Variants in PLCG2 observed in about 807,000 individuals in gnomAD.
PLCG2 encodes 1-phosphatidylinositol 4,5-bisphosphate phosphodiesterase gamma-2.
Under a neutral mutation model 175.6 loss-of-function variants are expected in PLCG2, and 69 were observed. The observed-to-expected ratio is 0.39, with a 90% CI of 0.32 to 0.48. PLCG2 has a LOEUF of 0.48. PLCG2 is among the 20% of genes least tolerant of loss of function. PLCG2 has a pLI of 0.91. For missense variants in PLCG2, 1,798 were observed against 1,650.9 expected (o/e 1.09, Z -1.54); for synonymous variants, 827 against 624.0 (o/e 1.33, Z -4.85).
At chr16:81,868,629 C>T (rs946481316) in intron 5 of PLCG2, among the ~76,000 whole-genome samples, 3 of 152,226 alleles carry the variant, frequency 2.0e-5, no homozygotes, top group Admixed American at 6.5e-5. Context: ...GATGTTTACC[C>T]AGGCTTCATT....
At position 81,927,307 on chromosome 16, in the gene PLCG2, A is replaced by AG. The variant is rs1239600068; in HGVS notation, c.2514+132dup. The AG allele has an allele frequency of 5.9e-6, 4 of 675,056 alleles. No individual in the cohort carries two copies. The East Asian group carries it at 7.8e-5, about 13-fold the overall frequency. 41.8% of individuals were successfully genotyped at this position (675,056 alleles called of 1,614,324 possible). A position where few individuals can be genotyped will look rare whatever the true frequency, so the allele number is the denominator to read the frequency against. ...TGTGGTCTCTGTGGAGCTCTGGATC[A>AG]GGGAAGACACAGTGATGATAGGGAA... On this transcript the variant is annotated intron_variant, in intron 23 of 32. Coordinates refer to ENST00000564138, the MANE Select transcript of PLCG2 (RefSeq NM_002661.5).
chr16:81,814,769 C>G (rs1236914287), intron 2 of PLCG2, among the ~76,000 whole-genome samples: 1 of 152,056 alleles, frequency 6.6e-6, no homozygotes, highest in African/African-American at 2.4e-5. Context: ...AGGCTTTTGT[C>G]CTGTCTCACT....
At position 81,958,347 on chromosome 16, in the gene PLCG2, G is replaced by T; in HGVS notation, c.*349G>T. 3.7e-6 allele frequency: 1 copy of T among 270,926 alleles called. No individual in the cohort carries two copies. The highest frequency in any genetic ancestry group is 7.0e-6 in the Non-Finnish European group (1 of 143,020). The allele number at this position is 270,926 out of a possible 1,614,324, so 16.8% of individuals were successfully genotyped here. A position where few individuals can be genotyped will look rare whatever the true frequency, so the allele number is the denominator to read the frequency against. ...GTGCAGTGAACAGGATTTCTTTTCTGGCCAAGAAGATTCTACCTCTAATGA... is the reference window on the plus strand; with the variant it reads ...GTGCAGTGAACAGGATTTCTTTTCTTGCCAAGAAGATTCTACCTCTAATGA... On this transcript the variant is annotated 3_prime_UTR_variant, in exon 33 of 33. Transcript: ENST00000564138.
At chr16:81,770,781 G>A (rs574673510) in intron 2 of PLCG2, among the ~76,000 whole-genome samples, 3 of 152,022 alleles carry the variant, frequency 2.0e-5, no homozygotes, top group African/African-American at 7.2e-5. Flanking sequence ...AGATCAGGCC[G>A]GGCGCGGTGG....
chr16:81,773,062 A>G (rs902713311), intron 2 of PLCG2, among the ~76,000 whole-genome samples: 2 of 152,110 alleles, frequency 1.3e-5, no homozygotes, highest in Admixed American at 1.3e-4. Context: ...TCCTAAATAT[A>G]CTGCCAAATG....
In PLCG2 at chr16:81,905,421, C is replaced by T. The variant is rs778484571; in HGVS notation, c.1381C>T (p.Arg461Ter). The change falls in exon 15 of 33, where the codon CGA (arginine) becomes TGA (stop). Residue 461 changes from arginine (R) to a stop codon, truncating the protein, a stop_gained. Coordinates refer to ENST00000564138, the MANE Select transcript of PLCG2 (RefSeq NM_002661.5). LOFTEE classifies it high-confidence loss of function. ...CCCTCAGCATAAGAAGCTGGGCCCC[C>T]GAGGCGATGTGGATGTCAACATGGA... ...IIIKHKKLGP[R>*]GDVDVNMEDK... 5.6e-5 allele frequency: 90 copies of T among 1,613,776 alleles called. No individual in the cohort carries two copies. Among genetic ancestry groups the T allele is most frequent in the Non-Finnish European group, 7.1e-5 (84 of 1,179,796 alleles).
chr16:81,780,547 C>G (rs1910682517), intron 1 of PLCG2, among the ~76,000 whole-genome samples: 1 of 152,188 alleles, frequency 6.6e-6, no homozygotes, highest in African/African-American at 2.4e-5. Context: ...TGTATACCAG[C>G]TCAGGGACAA....
intron 7 of PLCG2, among the ~76,000 whole-genome samples, chr16:81,871,561 C>A (rs990196502): frequency 2.0e-5 from 3 of 152,146 alleles, no homozygotes; most frequent in Non-Finnish European, 1.5e-5. Flanking sequence ...AGGTCTCGAA[C>A]TTCTAACCTC....
intron 2 of PLCG2, among the ~76,000 whole-genome samples, chr16:81,824,864 G>T (rs1450699134): frequency 6.6e-6 from 1 of 152,224 alleles, no homozygotes; most frequent in African/African-American, 2.4e-5. Flanking sequence ...TTAAGGGAAA[G>T]ATCTTGAGAT....
chr16:81,756,897 C>G (rs1342410206), intron 2 of PLCG2, among the ~76,000 whole-genome samples: 3 of 152,096 alleles, frequency 2.0e-5, no homozygotes, highest in Non-Finnish European at 4.4e-5. Flanking sequence ...GGGGCACAGG[C>G]CTGGAACACA....
chr16:81,902,210 C>A (rs955823642), intron 14 of PLCG2, among the ~76,000 whole-genome samples: 1 of 152,166 alleles, frequency 6.6e-6, no homozygotes, highest in Non-Finnish European at 1.5e-5. Context: ...ATGGAAGGAG[C>A]GAGTGTGAAT....
intron 19 of PLCG2, among the ~76,000 whole-genome samples, chr16:81,917,413 G>C (rs1325939073): frequency 6.6e-6 from 1 of 152,062 alleles, no homozygotes; most frequent in Non-Finnish European, 1.5e-5. Context: ...TATATACCGA[G>C]AAGTGGGATT....
intron 1 of PLCG2, among the ~76,000 whole-genome samples, chr16:81,783,730 G>T (rs1487999805): frequency 6.6e-6 from 1 of 152,196 alleles, no homozygotes; most frequent in African/African-American, 2.4e-5. Context: ...GGATGAAATG[G>T]ACCATGGGGG....
intron 2 of PLCG2, among the ~76,000 whole-genome samples, chr16:81,766,471 TC>T (rs1380939447): frequency 5.2e-3 from 1 of 192 alleles, no homozygotes; most frequent in African/African-American, 0.01. Flanking sequence ...CAGCGCCTCC[TC>T]CTCCTCCTCT....
At chr16:81,867,962 G>A (rs3893311) in intron 5 of PLCG2, among the ~76,000 whole-genome samples, 5,250 of 152,226 alleles carry the variant, frequency 0.034, 205 homozygotes, top group African/African-American at 0.086. Context: ...GCCTCCCAAA[G>A]TGCTGGGATT....
At chr16:81,794,154 A>G (rs1330349426) in intron 2 of PLCG2, among the ~76,000 whole-genome samples, 1 of 152,096 alleles carries the variant, frequency 6.6e-6, no homozygotes, top group Non-Finnish European at 1.5e-5. Context: ...ATTTGTGGGG[A>G]GATGCTAGGA....
At chr16:81,915,149 G>A (rs1909790625) in intron 19 of PLCG2, among the ~76,000 whole-genome samples, 1 of 152,194 alleles carries the variant, frequency 6.6e-6, no homozygotes, top group South Asian at 2.1e-4. Flanking sequence ...GCTACAAAGG[G>A]ATTGGTCAGG....
chr16:81,956,941 C>G, intron 32 of PLCG2, 62 bp downstream of exon 32: 1 of 1,387,494 alleles, frequency 7.2e-7, no homozygotes, highest in Admixed American at 1.8e-5. Flanking sequence ...TGATGATGGG[C>G]ACCACGGGCC....
chr16:81,908,597 GC>G lies in PLCG2; in HGVS notation c.1733+11del, dbSNP rs1226933524. ...GACTACACCCTGTCCTTCTGGTAAT[GC>G]CCCCGACCCAGGGAACGCCTACCTT... On this transcript the variant is annotated splice_region_variant and intron_variant, in intron 17 of 32. Transcript: ENST00000564138. 1 of 1,602,070 alleles carries G rather than the reference GC, an allele frequency of 6.2e-7. No individual in the cohort carries two copies. The highest frequency in any genetic ancestry group is 8.5e-7 in the Non-Finnish European group (1 of 1,173,908).
Sources: gnomAD v4.1 joint callset for allele counts (sites outside exome capture counted in the v4.1 genomes callset) on GRCh38, gnomAD v4.1.1 for gene constraint, MANE v1.5 for transcripts, NCBI Gene and HGNC (gene_info 2026-07-23, HGNC 2026-07-21) for gene names.